Variants in DARS2 observed in about 807,000 individuals in gnomAD.
The protein encoded by DARS2 is aspartyl-tRNA synthetase 2, mitochondrial, also known as aspartate--tRNA ligase, mitochondrial.
A neutral mutation model predicts 83.0 loss-of-function variants in DARS2; 63 were observed. The ratio of observed to expected loss-of-function variants is 0.76; its 90% CI spans 0.62 to 0.94. DARS2 has a LOEUF of 0.94. DARS2 is among the 40% of genes least tolerant of loss of function. The pLI is 0.00. For missense variants in DARS2, 675 were observed against 774.4 expected (o/e 0.87, Z 1.52); for synonymous variants, 250 against 269.3 (o/e 0.93, Z 0.70).
intron 10 of DARS2, among the ~76,000 whole-genome samples, chr1:173,840,309 G>A (rs1207303275): frequency 6.6e-6 from 1 of 152,212 alleles, no homozygotes; most frequent in Non-Finnish European, 1.5e-5. Flanking sequence ...TAAGATCTTG[G>A]CTCACTGCAA....
At chr1:173,853,680 T>C (rs548682343) in intron 14 of DARS2, 113 bp downstream of exon 14, 54 of 1,500,356 alleles carry the variant, frequency 3.6e-5, no homozygotes, top group East Asian at 1.1e-4. Flanking sequence ...CCAGAAGAAA[T>C]TGTGGAGTTT....
chr1:173,850,363 T>G lies in DARS2; in HGVS notation c.1228T>G (p.Trp410Gly), dbSNP rs1042743437. The part of the protein sequence containing the change: ...LPVFLNANRN[W>G]NSPVANFIME... ...TGTATTCCTTAACGCCAATAGAAAC[T>G]GGAATTCTCCAGTTGCTAATTTCAT... The change falls in exon 13 of 17, where the codon TGG becomes GGG. Residue 410 changes from tryptophan to glycine, a missense_variant. Transcript: ENST00000649689. The G allele has an allele frequency of 4.3e-6, 7 of 1,612,650 alleles. No homozygotes were observed. The highest frequency in any genetic ancestry group is 1.7e-6 in the Non-Finnish European group (2 of 1,179,498).
chr1:173,836,928 T>G lies in DARS2; in HGVS notation c.664-12T>G, dbSNP rs538472753. ...ATAATCTGTCTTCTCTCTCTTTCTC[T>G]CTCTTTGAAAGGGTGCCAAAGAGTT... On this transcript the variant is annotated splice_polypyrimidine_tract_variant and intron_variant, in intron 7 of 16. Coordinates refer to ENST00000649689, the MANE Select transcript of DARS2 (RefSeq NM_018122.5). The G allele has an allele frequency of 1.2e-6, 2 of 1,606,444 alleles. No individual in the cohort carries two copies. The highest frequency in any genetic ancestry group is 2.2e-5 in the East Asian group (1 of 44,780).
intron 2 of DARS2, among the ~76,000 whole-genome samples, chr1:173,827,179 T>C (rs1652614266): frequency 6.6e-6 from 1 of 152,200 alleles, no homozygotes; most frequent in African/African-American, 2.4e-5. Flanking sequence ...GCTCATCTTA[T>C]TCCATGTAGG....
chr1:173,828,309 C>G, intron 2 of DARS2, 24 bp from the exon 3 acceptor site: 2 of 1,501,050 alleles, frequency 1.3e-6, no homozygotes, highest in Non-Finnish European at 9.1e-7. Flanking sequence ...TAAAATGTTT[C>G]TTTTCCCCCC....
chr1:173,827,174 T>A (rs544853921), intron 2 of DARS2, among the ~76,000 whole-genome samples: 141 of 152,284 alleles, frequency 9.3e-4, no homozygotes, highest in African/African-American at 3.1e-3. Context: ...GAAAAGCTCA[T>A]CTTATTCCAT....
chr1:173,826,164 C>T (rs144691197), intron 1 of DARS2, among the ~76,000 whole-genome samples: 2,078 of 150,850 alleles, frequency 0.014, 54 homozygotes, highest in African/African-American at 0.049. Flanking sequence ...GCGGAGCTTG[C>T]AGTGAGCCGA....
At chr1:173,835,338 G>A (rs536021088) in intron 7 of DARS2, among the ~76,000 whole-genome samples, 11 of 149,728 alleles carry the variant, frequency 7.3e-5, no homozygotes, top group Non-Finnish European at 8.9e-5. Flanking sequence ...TGATCCACCC[G>A]CCTCAGCCTC....
At chr1:173,856,457 T>A (rs1653863414) in intron 15 of DARS2, among the ~76,000 whole-genome samples, 1 of 152,232 alleles carries the variant, frequency 6.6e-6, no homozygotes, top group Admixed American at 6.5e-5. Context: ...GTTATAATCA[T>A]CTATGACTTG....
intron 15 of DARS2, among the ~76,000 whole-genome samples, chr1:173,854,428 T>C (rs1179440449): frequency 6.6e-6 from 1 of 152,212 alleles, no homozygotes; most frequent in African/African-American, 2.4e-5. Flanking sequence ...TTAAATAGTA[T>C]CTGGCACATA....
chr1:173,849,837 C>G (rs1557862061), intron 12 of DARS2, among the ~76,000 whole-genome samples: 1 of 148,910 alleles, frequency 6.7e-6, no homozygotes, highest in East Asian at 2.0e-4. Flanking sequence ...TCCCCTCCCC[C>G]TTTTTTTCAT....
intron 16 of DARS2, 142 bp downstream of exon 16, chr1:173,856,883 TATATTTTTTAA>T: frequency 1.6e-6 from 1 of 616,598 alleles, no homozygotes; most frequent in East Asian, 2.8e-5. Context: ...ATTTCAGTAA[TATATTTTTTAA>T]ATATATCTTA....
intron 11 of DARS2, 147 bp downstream of exon 11, chr1:173,841,120 A>T (rs1653186692): frequency 3.0e-6 from 2 of 663,192 alleles, no homozygotes; most frequent in Non-Finnish European, 5.4e-6. Context: ...CACACCTGTA[A>T]TCCTAGCACT....
intron 8 of DARS2, 103 bp from the exon 9 acceptor site, chr1:173,838,087 T>C: frequency 4.2e-6 from 4 of 955,704 alleles, no homozygotes; most frequent in Non-Finnish European, 6.7e-6. Context: ...TTACGTTTTT[T>C]AAGTATCATT....
intron 12 of DARS2, among the ~76,000 whole-genome samples, chr1:173,849,505 A>C (rs947992464): frequency 2.0e-5 from 3 of 146,446 alleles, no homozygotes; most frequent in African/African-American, 7.9e-5. Context: ...GCACTCCAGC[A>C]TGGGTGACAG....
chr1:173,850,827 ACTC>A (rs1653631868), intron 13 of DARS2, among the ~76,000 whole-genome samples: 1 of 151,196 alleles, frequency 6.6e-6, no homozygotes, highest in African/African-American at 2.4e-5. Flanking sequence ...CTGGTCTCAA[ACTC>A]CTCAGCTTAG....
chr1:173,825,085 G>A lies in DARS2; in HGVS notation c.-145G>A, dbSNP rs1263076552. The stretch of plus-strand genomic sequence containing the variant: ...TGTTTCTAGACACGTGTACTCCAAT[G>A]TTGTGCGGAGGAGGCCTTAAATATT... On this transcript the variant is annotated 5_prime_UTR_variant, in exon 1 of 17. The change abolishes an upstream ATG in the 5' untranslated region. Transcript: ENST00000649689. 8.4e-7 allele frequency: 1 copy of A among 1,197,100 alleles called. No individual in the cohort carries two copies. Among genetic ancestry groups the A allele is most frequent in the Non-Finnish European group, 1.2e-6 (1 of 826,194 alleles). 74.2% of individuals were successfully genotyped at this position (1,197,100 alleles called of 1,614,324 possible).
intron 11 of DARS2, among the ~76,000 whole-genome samples, chr1:173,842,245 G>GAATGGAGT (rs1294843775): frequency 1.4e-5 from 2 of 141,010 alleles, no homozygotes; most frequent in Admixed American, 1.5e-4. Flanking sequence ...ATTATATTCA[G>GAATGGAGT]AATGGAGTAA....
intron 6 of DARS2, among the ~76,000 whole-genome samples, chr1:173,834,088 A>G (rs770572849): frequency 2.6e-5 from 4 of 152,202 alleles, no homozygotes; most frequent in Non-Finnish European, 5.9e-5. Context: ...TATCATGTGC[A>G]TACATCACTT....
Sources: gnomAD v4.1 joint callset for allele counts (sites outside exome capture counted in the v4.1 genomes callset) on GRCh38, gnomAD v4.1.1 for gene constraint, MANE v1.5 for transcripts, NCBI Gene and HGNC (gene_info 2026-07-23, HGNC 2026-07-21) for gene names.